DMAC2: variants seen among roughly 807,000 people sequenced by gnomAD.
DMAC2 encodes the protein distal membrane arm assembly component 2.
DMAC2 carries 32 observed loss-of-function variants against 29.6 expected under a neutral mutation model. The observed-to-expected ratio is 1.08, with a 90% CI of 0.81 to 1.45. DMAC2 has a LOEUF of 1.45. Among genes scored for constraint, DMAC2 ranks in the 40% most tolerant of loss-of-function variants. DMAC2 has a pLI of 0.00. For missense variants in DMAC2, 319 were observed against 340.0 expected (o/e 0.94, Z 0.49); for synonymous variants, 133 against 137.4 (o/e 0.97, Z 0.23).
chr19:41,432,779 C>T (rs67047091), intron 5 of DMAC2: 113,777 of 301,304 alleles, frequency 0.38, 16,752 homozygotes, highest in Admixed American at 0.49. Context: ...TACAGGACAG[C>T]GTGCGTGTGT....
rs1291256732 is a variant in DMAC2, at chr19:41,436,507, G to A, written c.216-35C>T. 10 of 1,577,172 alleles carry A rather than the reference G, an allele frequency of 6.3e-6. No homozygotes were observed. The Admixed American group carries it at 1.7e-4, about 26-fold the overall frequency. On this transcript the variant is annotated intron_variant, in intron 2 of 5. Coordinates refer to ENST00000221943, the MANE Select transcript of DMAC2 (RefSeq NM_018035.3). The stretch of plus-strand genomic sequence containing the variant: ...AAATGGTAGCTAAGGGTGAGGCCTG[G>A]GGAGCACCACAGCCCTCACGATGCC...
intron 3 of DMAC2, among the ~76,000 whole-genome samples, chr19:41,434,397 CAA>C (rs1160927067): frequency 1.3e-4 from 8 of 63,258 alleles, no homozygotes; most frequent in South Asian, 6.1e-4. Context: ...GACCCTATCT[CAA>C]AAAAAAAAAA....
At chr19:41,435,795 C>CA (rs1171745634) in intron 3 of DMAC2, among the ~76,000 whole-genome samples, 3 of 150,280 alleles carry the variant, frequency 2.0e-5, no homozygotes, top group Non-Finnish European at 3.0e-5. Context: ...TCCTGGCCTC[C>CA]AGTGACCTTC....
chr19:41,434,108 G>A (rs1284534464), intron 3 of DMAC2, among the ~76,000 whole-genome samples: 4 of 152,160 alleles, frequency 2.6e-5, no homozygotes, highest in East Asian at 1.9e-4. Flanking sequence ...GGTGGCAGGC[G>A]CCTGTACTCC....
intron 5 of DMAC2, 27 bp downstream of exon 5, chr19:41,433,245 G>A (rs2039669582): frequency 6.3e-7 from 1 of 1,585,752 alleles, no homozygotes; most frequent in Non-Finnish European, 8.6e-7. Context: ...GCCTGGGCAT[G>A]TGGCCCAGCC....
chr19:41,437,713 A>C (rs1186136216), intron 2 of DMAC2, among the ~76,000 whole-genome samples: 1 of 152,066 alleles, frequency 6.6e-6, no homozygotes, highest in African/African-American at 2.4e-5. Context: ...AAAAAAAAAA[A>C]AGAGTATGGG....
At chr19:41,438,016 T>G (rs1230755062) in intron 2 of DMAC2, among the ~76,000 whole-genome samples, 1 of 152,222 alleles carries the variant, frequency 6.6e-6, no homozygotes, top group Non-Finnish European at 1.5e-5. Context: ...GAGATGCCAG[T>G]TAGACTCTGA....
At chr19:41,433,129 C>G (rs1343060517) in intron 5 of DMAC2, 143 bp downstream of exon 5, 15 of 907,152 alleles carry the variant, frequency 1.7e-5, no homozygotes, top group Non-Finnish European at 2.4e-5. Context: ...GACTGCTCAT[C>G]TACCATAAAT....
intron 1 of DMAC2, chr19:41,439,447 C>T (rs548271917): frequency 1.3e-6 from 2 of 1,521,396 alleles, no homozygotes; most frequent in East Asian, 2.5e-5. Flanking sequence ...TGTAAAAATT[C>T]GTCAATCTCC....
chr19:41,439,108 T>G, intron 1 of DMAC2: 1 of 220,138 alleles, frequency 4.5e-6, no homozygotes, highest in Non-Finnish European at 9.1e-6. Flanking sequence ...AAGAGGAGAG[T>G]AAGAAAGTCG....
At position 41,433,972 on chromosome 19, in the gene DMAC2, G is replaced by C. The variant is rs182135851; in HGVS notation, c.297-299C>G. Reference sequence around the variant, plus strand: ...AAATTGGCCAGGTGCGGTGGCTCACGCCTGTAATCCCAGCACTTTGGGAGC... The same window carrying C: ...AAATTGGCCAGGTGCGGTGGCTCACCCCTGTAATCCCAGCACTTTGGGAGC... On this transcript the variant is annotated intron_variant, in intron 3 of 5. Transcript: ENST00000221943. Among the ~76,000 whole-genome samples the C allele has an allele frequency of 2.3e-3, 351 of 152,214 alleles. 2 individuals carry two copies. Among genetic ancestry groups the C allele is most frequent in the African/African-American group, 8.2e-3 (340 of 41,524 alleles).
In DMAC2 at chr19:41,438,330, G is replaced by C; in HGVS notation, c.103C>G (p.Gln35Glu). Residue 35 changes from glutamine to glutamate, a missense_variant, in exon 2 of 6, where the codon CAG becomes GAG. Coordinates refer to ENST00000221943, the MANE Select transcript of DMAC2 (RefSeq NM_018035.3). ...LGAAVAPEGN[Q>E]KKKRTILQFL... ...TGGAGTATTGTCCTTTTCTTCTTCT[G>C]ATTGCCCTCTGGGGCCACTGCCGCA... 6.2e-7 allele frequency: 1 copy of C among 1,614,216 alleles called. No individual in the cohort carries two copies.
At chr19:41,436,498 T>C in intron 2 of DMAC2, 26 bp from the exon 3 acceptor site, 1 of 1,606,534 alleles carries the variant, frequency 6.2e-7, no homozygotes, top group Non-Finnish European at 8.5e-7. Context: ...TAGCTAAGGG[T>C]GAGGCCTGGG....
rs564171581 is a variant in DMAC2, at chr19:41,431,646, T to C, written c.*585A>G. 22 of 275,334 alleles carry C rather than the reference T, an allele frequency of 8.0e-5. No individual in the cohort carries two copies. The highest frequency in any genetic ancestry group is 1.5e-4 in the Non-Finnish European group (21 of 139,442). 17.1% of individuals were successfully genotyped at this position (275,334 alleles called of 1,614,324 possible). ...CGCCTTTCCTCCTATAATGCCTGTT[T>C]GGTGCCCTCTACTGACAAAGCTTAT... is the stretch of plus-strand genomic sequence containing the variant. On this transcript the variant is annotated 3_prime_UTR_variant, in exon 6 of 6. Transcript: ENST00000221943.
At chr19:41,438,528 A>G in intron 1 of DMAC2, 114 bp from the exon 2 acceptor site, 1 of 891,762 alleles carries the variant, frequency 1.1e-6, no homozygotes, top group Non-Finnish European at 1.6e-6. Flanking sequence ...AACTCACCCT[A>G]AGTTCTTCCT....
intron 1 of DMAC2, chr19:41,439,283 TGCCAACC>T: frequency 9.5e-6 from 5 of 526,078 alleles, no homozygotes; most frequent in Non-Finnish European, 1.7e-5. Context: ...AGTTTAAAGC[TGCCAACC>T]TCTTTAATTT....
rs934727861 is a variant in DMAC2 at position 41,433,678 on chromosome 19, A to T, written c.297-5T>A. 6.2e-7 allele frequency: 1 copy of T among 1,614,242 alleles called. No homozygotes were observed. ...ATCCACTCCTTGTCTCGAAACCTGG[A>T]AACGGGAAAGGGAGTGTCAGCAGGG... On this transcript the variant is annotated splice_region_variant and splice_polypyrimidine_tract_variant and intron_variant, in intron 3 of 5. Coordinates refer to ENST00000221943, the MANE Select transcript of DMAC2 (RefSeq NM_018035.3).
intron 2 of DMAC2, among the ~76,000 whole-genome samples, chr19:41,437,395 C>CAAACA (rs1277171324): frequency 1.3e-5 from 2 of 149,430 alleles, no homozygotes; most frequent in Non-Finnish European, 3.0e-5. Context: ...GACTCTGTCT[C>CAAACA]AAACAAAACA....
intron 1 of DMAC2, 146 bp downstream of exon 1, chr19:41,439,736 C>G: frequency 7.1e-7 from 1 of 1,406,970 alleles, no homozygotes; most frequent in Non-Finnish European, 9.9e-7. Flanking sequence ...CCACTAGCCA[C>G]AGGTTTGCAC....
Sources: gnomAD v4.1 joint callset for allele counts (sites outside exome capture counted in the v4.1 genomes callset) on GRCh38, gnomAD v4.1.1 for gene constraint, MANE v1.5 for transcripts, NCBI Gene and HGNC (gene_info 2026-07-23, HGNC 2026-07-21) for gene names.